Variants in STK33 observed in about 807,000 individuals in gnomAD.
STK33 encodes serine/threonine kinase 33, also known as serine/threonine-protein kinase 33.
Under a neutral mutation model 58.0 loss-of-function variants are expected in STK33, and 52 were observed. That is an observed-to-expected ratio of 0.90 (90% CI 0.72 to 1.13). The LOEUF is 1.13. Among genes scored for constraint, STK33 ranks in the 50% most tolerant of loss-of-function variants. The probability of loss-of-function intolerance (pLI) is 0.00; values close to 1 mark genes in which losing one functional copy is unlikely to be tolerated. For missense variants in STK33, 630 were observed against 604.2 expected (o/e 1.04, Z -0.45); for synonymous variants, 215 against 200.1 (o/e 1.07, Z -0.63).
intron 1 of STK33, among the ~76,000 whole-genome samples, chr11:8,484,725 A>G (rs1433384514): frequency 6.6e-6 from 1 of 152,238 alleles, no homozygotes; most frequent in African/African-American, 2.4e-5. Flanking sequence ...AATAGTATAT[A>G]TATGATTAGG....
chr11:8,378,389 A>G, the STK33 span, among the ~76,000 whole-genome samples: 16,924 of 151,994 alleles, frequency 0.11, 1,081 homozygotes, highest in African/African-American at 0.16. Context: ...ATGGTGGTGC[A>G]TGCCTGTAAT....
intron 1 of STK33, among the ~76,000 whole-genome samples, chr11:8,507,894 AGTT>A (rs886598658): frequency 2.6e-5 from 4 of 152,144 alleles, no homozygotes; most frequent in African/African-American, 7.2e-5. Context: ...TTGTTGTTGT[AGTT>A]GTTGTTGTTT....
At chr11:8,519,598 A>G (rs1423803450) in intron 1 of STK33, among the ~76,000 whole-genome samples, 1 of 152,218 alleles carries the variant, frequency 6.6e-6, no homozygotes, top group African/African-American at 2.4e-5. Flanking sequence ...ACTGCTAGCA[A>G]GACTAATAAA....
chr11:8,531,088 A>T (rs1954505140), intron 1 of STK33, among the ~76,000 whole-genome samples: 1 of 152,238 alleles, frequency 6.6e-6, no homozygotes, highest in Non-Finnish European at 1.5e-5. Flanking sequence ...AGAAAGTAGG[A>T]AGAAAAAAAT....
Position 8,397,317 on chromosome 11 carries a change from T to A in STK33, c.1345-4607A>T, listed in dbSNP as rs184172767. 2.5e-3 allele frequency among the ~76,000 whole-genome samples: 379 copies of A among 152,350 alleles called. 10 individuals are homozygous for A. The South Asian group carries it at 0.045, about 18-fold the overall frequency. The stretch of plus-strand genomic sequence containing the variant: ...TTTGCTGTTCACCAATATCCGCTGT[T>A]CTGCAGCCTCCGCTGCTGACACCCA... On this transcript the variant is annotated intron_variant, in intron 15 of 15. Coordinates refer to ENST00000687296, the MANE Select transcript of STK33 (RefSeq NM_001352389.2).
At chr11:8,585,872 T>A (rs985037065) in intron 1 of STK33, among the ~76,000 whole-genome samples, 1 of 152,042 alleles carries the variant, frequency 6.6e-6, no homozygotes, top group African/African-American at 2.4e-5. Flanking sequence ...CTGACCAACA[T>A]GGTAAAACCT....
chr11:8,579,688 G>A (rs753794444), intron 1 of STK33, among the ~76,000 whole-genome samples: 13 of 151,936 alleles, frequency 8.6e-5, no homozygotes, highest in Non-Finnish European at 1.8e-4. Flanking sequence ...TGCTCATTTC[G>A]TTCACATTCT....
At chr11:8,368,136 C>A in the STK33 span, among the ~76,000 whole-genome samples, 3 of 152,134 alleles carry the variant, frequency 2.0e-5, no homozygotes, top group African/African-American at 7.2e-5. Context: ...AAGAAGTGGA[C>A]CCACTTCAAA....
chr11:8,590,510 C>T (rs1052056703), intron 1 of STK33, among the ~76,000 whole-genome samples: 1 of 152,100 alleles, frequency 6.6e-6, no homozygotes, highest in Non-Finnish European at 1.5e-5. Flanking sequence ...ATGTAAACCA[C>T]ATCCTTACTG....
At chr11:8,341,132 C>G in the STK33 span, among the ~76,000 whole-genome samples, 1 of 152,178 alleles carries the variant, frequency 6.6e-6, no homozygotes, top group Admixed American at 6.5e-5. Context: ...GCTGGGATTA[C>G]AGGCGTGAGC....
At chr11:8,506,991 C>T (rs1363887775) in intron 1 of STK33, among the ~76,000 whole-genome samples, 2 of 152,142 alleles carry the variant, frequency 1.3e-5, no homozygotes, top group Non-Finnish European at 2.9e-5. Flanking sequence ...CTGATCATTG[C>T]TTTTCAAACT....
At chr11:8,457,264 T>A in intron 9 of STK33, 77 bp downstream of exon 9, 1 of 1,291,050 alleles carries the variant, frequency 7.7e-7, no homozygotes, top group African/African-American at 1.5e-5. Flanking sequence ...TGACTATGAA[T>A]CTGGAATACA....
intron 1 of STK33, among the ~76,000 whole-genome samples, chr11:8,575,749 C>A (rs898747827): frequency 3.3e-5 from 5 of 151,802 alleles, no homozygotes; most frequent in Admixed American, 3.3e-4. Flanking sequence ...TATATCACCA[C>A]AATAAAAAAG....
chr11:8,440,664 A>G lies in STK33; in HGVS notation c.947+14T>C. 1.3e-6 allele frequency: 2 copies of G among 1,553,730 alleles called. No individual in the cohort carries two copies. The highest frequency in any genetic ancestry group is 3.4e-4 in the Middle Eastern group (2 of 5,930). On this transcript the variant is annotated intron_variant, in intron 12 of 15. Coordinates refer to ENST00000687296, the MANE Select transcript of STK33 (RefSeq NM_001352389.2). ...TCCACTCATCTTAAAGTGTACATTT[A>G]GCAGGCTACTTACAACATGTACATT...
chr11:8,364,695 A>G, the STK33 span, among the ~76,000 whole-genome samples: 2 of 152,220 alleles, frequency 1.3e-5, no homozygotes, highest in Admixed American at 6.5e-5. Context: ...GAATCACATA[A>G]AATGAAGACT....
the STK33 span, among the ~76,000 whole-genome samples, chr11:8,345,057 T>TTCCAAA: frequency 6.6e-6 from 1 of 152,162 alleles, no homozygotes; most frequent in African/African-American, 2.4e-5. Flanking sequence ...CCCAGGACAG[T>TTCCAAA]TCTTCCCCTT....
intron 1 of STK33, among the ~76,000 whole-genome samples, chr11:8,528,112 G>C (rs772662267): frequency 6.6e-6 from 1 of 152,168 alleles, no homozygotes; most frequent in African/African-American, 2.4e-5. Flanking sequence ...AAGTGGCTCA[G>C]AGCAGTCTGA....
intron 1 of STK33, among the ~76,000 whole-genome samples, chr11:8,544,348 T>A (rs1260286910): frequency 6.9e-6 from 1 of 145,466 alleles, no homozygotes; most frequent in Non-Finnish European, 1.5e-5. Flanking sequence ...ATTATATATA[T>A]AATTATATAT....
At chr11:8,591,614 G>A (rs966069968) in intron 1 of STK33, among the ~76,000 whole-genome samples, 2 of 152,048 alleles carry the variant, frequency 1.3e-5, no homozygotes, top group Non-Finnish European at 2.9e-5. Flanking sequence ...CCTCCATACA[G>A]GAAACCGCAA....
Sources: gnomAD v4.1 joint callset for allele counts (sites outside exome capture counted in the v4.1 genomes callset) on GRCh38, gnomAD v4.1.1 for gene constraint, MANE v1.5 for transcripts, NCBI Gene and HGNC (gene_info 2026-07-23, HGNC 2026-07-21) for gene names.